The following DNER variants were observed in gnomAD, a reference collection of about 807,000 sequenced individuals.
DNER encodes the protein delta/notch like EGF repeat containing.
Under a neutral mutation model 78.2 loss-of-function variants are expected in DNER, and 33 were observed. The ratio of observed to expected loss-of-function variants is 0.42; its 90% CI spans 0.32 to 0.56. The LOEUF is 0.56. Ranked by LOEUF, DNER falls within the 20% of genes least tolerant of loss-of-function variation. The pLI is 0.11. For missense variants in DNER, 918 were observed against 975.3 expected (o/e 0.94, Z 0.78); for synonymous variants, 417 against 384.8 (o/e 1.08, Z -0.98).
chr2:229,518,628 G>C (rs960243790), intron 5 of DNER, among the ~76,000 whole-genome samples: 24 of 152,144 alleles, frequency 1.6e-4, no homozygotes, highest in African/African-American at 5.3e-4. Context: ...CACCTAAATC[G>C]AGTCCAACCA....
chr2:229,429,907 C>G (rs1326631058), intron 8 of DNER, among the ~76,000 whole-genome samples: 1 of 152,154 alleles, frequency 6.6e-6, no homozygotes, highest in Admixed American at 6.5e-5. Context: ...AGTAAAACTT[C>G]GATTCACTGC....
At chr2:229,490,044 A>G (rs1343205287) in intron 6 of DNER, among the ~76,000 whole-genome samples, 3 of 152,072 alleles carry the variant, frequency 2.0e-5, no homozygotes, top group Non-Finnish European at 4.4e-5. Context: ...GGAGGAAGAG[A>G]CAAAGGAGGA....
intron 1 of DNER, among the ~76,000 whole-genome samples, chr2:229,688,048 C>A (rs1306805433): frequency 6.6e-6 from 1 of 152,234 alleles, no homozygotes; most frequent in Non-Finnish European, 1.5e-5. Context: ...GGCTGGAAAC[C>A]TTTCATCTCT....
In DNER at chr2:229,438,741, A is replaced by C. The variant is rs534520746; in HGVS notation, c.1486+8575T>G. Reference sequence around the variant, plus strand: ...CTACCACTTGAAAAATCTGGTTAGAATACCTAATGGGTACGATGTACATTA... The same window carrying C: ...CTACCACTTGAAAAATCTGGTTAGACTACCTAATGGGTACGATGTACATTA... On this transcript the variant is annotated intron_variant, in intron 8 of 12. Coordinates refer to ENST00000341772, the MANE Select transcript of DNER (RefSeq NM_139072.4). Among the ~76,000 whole-genome samples the C allele has an allele frequency of 5.4e-4, 82 of 152,336 alleles. No individual in the cohort carries two copies. The Middle Eastern group carries it at 0.017, about 32-fold the overall frequency.
intron 6 of DNER, among the ~76,000 whole-genome samples, chr2:229,484,466 G>A (rs1267082708): frequency 6.6e-6 from 1 of 152,160 alleles, no homozygotes; most frequent in Non-Finnish European, 1.5e-5. Flanking sequence ...TGTTTCTCCA[G>A]CTAGCATTCA....
intron 5 of DNER, among the ~76,000 whole-genome samples, chr2:229,518,355 G>A (rs771995736): frequency 7.2e-5 from 11 of 152,196 alleles, no homozygotes; most frequent in South Asian, 4.1e-4. Context: ...GGTGAAGGTC[G>A]AAAGGACACA....
chr2:229,475,136 T>C (rs1695003593), intron 7 of DNER, among the ~76,000 whole-genome samples: 1 of 152,220 alleles, frequency 6.6e-6, no homozygotes, highest in South Asian at 2.1e-4. Flanking sequence ...ATCCTTACAC[T>C]GATCCCAGGA....
chr2:229,664,988 G>A (rs748382787), intron 1 of DNER, among the ~76,000 whole-genome samples: 3 of 152,052 alleles, frequency 2.0e-5, no homozygotes, highest in Non-Finnish European at 2.9e-5. Context: ...CCCTTTTGTC[G>A]AATTACTCAA....
intron 1 of DNER, among the ~76,000 whole-genome samples, chr2:229,656,854 G>A (rs1459482208): frequency 6.6e-6 from 1 of 152,006 alleles, no homozygotes; most frequent in Non-Finnish European, 1.5e-5. Context: ...TTCTGGCCTT[G>A]TTGAGGCATA....
chr2:229,444,409 G>C (rs1694298249), intron 8 of DNER, among the ~76,000 whole-genome samples: 1 of 152,106 alleles, frequency 6.6e-6, no homozygotes, highest in Non-Finnish European at 1.5e-5. Flanking sequence ...CAATAAGCGA[G>C]GATGTTAGAG....
At chr2:229,705,607 G>A (rs554198317) in intron 1 of DNER, among the ~76,000 whole-genome samples, 2 of 152,196 alleles carry the variant, frequency 1.3e-5, no homozygotes, top group South Asian at 4.2e-4. Flanking sequence ...TAAGAGTAAT[G>A]ACCCCATACT....
intron 1 of DNER, among the ~76,000 whole-genome samples, chr2:229,708,521 G>C (rs1699862745): frequency 1.3e-5 from 2 of 152,300 alleles, no homozygotes; most frequent in Admixed American, 1.3e-4. Context: ...GGTGGGGGCA[G>C]GATTCTGCAG....
At chr2:229,439,138 G>T (rs933603579) in intron 8 of DNER, among the ~76,000 whole-genome samples, 15 of 152,296 alleles carry the variant, frequency 9.8e-5, no homozygotes, top group African/African-American at 3.1e-4. Context: ...GTTATCACCG[G>T]AGTCACAGAA....
intron 4 of DNER, among the ~76,000 whole-genome samples, chr2:229,547,830 A>G (rs1696655880): frequency 6.6e-6 from 1 of 152,248 alleles, no homozygotes; most frequent in Non-Finnish European, 1.5e-5. Flanking sequence ...CTATTCATAC[A>G]TAGTAGGTAG....
chr2:229,703,381 C>T (rs932811552), intron 1 of DNER, among the ~76,000 whole-genome samples: 2 of 152,104 alleles, frequency 1.3e-5, no homozygotes, highest in Admixed American at 1.3e-4. Flanking sequence ...CATTGCACCA[C>T]ATAGAAAGAG....
At chr2:229,568,493 T>C (rs937637939) in intron 4 of DNER, among the ~76,000 whole-genome samples, 4 of 152,336 alleles carry the variant, frequency 2.6e-5, no homozygotes, top group East Asian at 1.9e-4. Flanking sequence ...CACTTTAATA[T>C]TCTAAAGGAA....
intron 10 of DNER, among the ~76,000 whole-genome samples, chr2:229,400,755 T>C (rs1173704019): frequency 1.3e-5 from 2 of 152,002 alleles, no homozygotes; most frequent in African/African-American, 4.8e-5. Flanking sequence ...TTCCAAATAA[T>C]TCATGTAGCT....
chr2:229,377,966 G>C (rs897393952), intron 11 of DNER, among the ~76,000 whole-genome samples: 14 of 152,220 alleles, frequency 9.2e-5, no homozygotes, highest in African/African-American at 3.1e-4. Flanking sequence ...GGATTATCTG[G>C]ACAAGCTCAA....
chr2:229,574,924 T>C lies in DNER; in HGVS notation c.847+10934A>G, dbSNP rs889821153. Among the ~76,000 whole-genome samples, 13 of 152,312 alleles carry C rather than the reference T, an allele frequency of 8.5e-5. No homozygotes were observed. In the South Asian group the frequency reaches 2.5e-3, roughly 29 times the overall value. On this transcript the variant is annotated intron_variant, in intron 4 of 12. Coordinates refer to ENST00000341772, the MANE Select transcript of DNER (RefSeq NM_139072.4). ...ACTGACAGAAGCTAAGAAAAGCTTTTGACCGTAAGCTGGCAAAGCCCCGAG... is the reference window on the plus strand; with the variant it reads ...ACTGACAGAAGCTAAGAAAAGCTTTCGACCGTAAGCTGGCAAAGCCCCGAG...
Sources: gnomAD v4.1 joint callset for allele counts (sites outside exome capture counted in the v4.1 genomes callset) on GRCh38, gnomAD v4.1.1 for gene constraint, MANE v1.5 for transcripts, NCBI Gene and HGNC (gene_info 2026-07-23, HGNC 2026-07-21) for gene names.